Variants in GNG7 observed in about 807,000 individuals in gnomAD.
GNG7 encodes G protein subunit gamma 7.
Under a neutral mutation model 4.0 loss-of-function variants are expected in GNG7, and 1 was observed. The ratio of observed to expected loss-of-function variants is 0.25; its 90% confidence interval spans 0.09 to 1.18. The LOEUF (loss-of-function observed/expected upper bound fraction) is 1.18, where lower values mean the gene tolerates loss of function less well. GNG7 is among the 50% of genes most tolerant of loss of function. GNG7 has a pLI of 0.50. For synonymous variants in GNG7, 34 were observed against 36.9 expected (o/e 0.92, Z 0.29); for missense variants, 86 against 91.9 (o/e 0.94, Z 0.26).
At chr19:2,527,627 A>G (rs1048004325) in intron 3 of GNG7, among the ~76,000 whole-genome samples, 1 of 135,122 alleles carries the variant, frequency 7.4e-6, no homozygotes, top group Non-Finnish European at 1.7e-5. Flanking sequence ...CTAAAATCCT[A>G]AAGAGACCTG....
chr19:2,690,929 C>T (rs1913121945), intron 1 of GNG7, among the ~76,000 whole-genome samples: 1 of 152,166 alleles, frequency 6.6e-6, no homozygotes, highest in African/African-American at 2.4e-5. Flanking sequence ...CAATGGTGGA[C>T]ACGTATCCTT....
chr19:2,537,629 T>C (rs1978784377), intron 3 of GNG7, among the ~76,000 whole-genome samples: 1 of 151,422 alleles, frequency 6.6e-6, no homozygotes, highest in Admixed American at 6.6e-5. Flanking sequence ...AAGTGTACGG[T>C]TCTGATGGGA....
At chr19:2,535,062 C>G (rs1040329436) in intron 3 of GNG7, among the ~76,000 whole-genome samples, 8 of 152,182 alleles carry the variant, frequency 5.3e-5, no homozygotes, top group African/African-American at 1.7e-4. Flanking sequence ...ATAAAATTAA[C>G]AGTTACAACA....
chr19:2,545,376 G>C lies in GNG7; in HGVS notation c.-38+9773C>G, dbSNP rs947189857. On this transcript the variant is annotated intron_variant, in intron 3 of 4. Transcript: ENST00000382159. ...AAAGGTGCACACATAGGCCGGGCAC[G>C]GTGGCTTATGCCTGTATTTCCAGCA... Among the ~76,000 whole-genome samples, 7 of 152,226 alleles carry C rather than the reference G, an allele frequency of 4.6e-5. No homozygotes were observed. In the South Asian group the frequency reaches 1.2e-3, roughly 27 times the overall value.
At chr19:2,533,916 A>T (rs921984526) in intron 3 of GNG7, among the ~76,000 whole-genome samples, 5 of 152,210 alleles carry the variant, frequency 3.3e-5, no homozygotes, top group African/African-American at 1.2e-4. Context: ...CACATGAATC[A>T]TATCAGCCTT....
chr19:2,655,309 G>A (rs772798640), intron 1 of GNG7, among the ~76,000 whole-genome samples: 2 of 151,878 alleles, frequency 1.3e-5, no homozygotes, highest in African/African-American at 2.4e-5. Flanking sequence ...GCAGCCAACA[G>A]GATTATGAAA....
At chr19:2,636,680 G>C (rs1982316746) in intron 2 of GNG7, among the ~76,000 whole-genome samples, 1 of 152,142 alleles carries the variant, frequency 6.6e-6, no homozygotes, top group Non-Finnish European at 1.5e-5. Context: ...TCTGGTTTTG[G>C]GCAGAGAGGC....
At chr19:2,687,059 T>G (rs925976105) in intron 1 of GNG7, among the ~76,000 whole-genome samples, 2 of 148,340 alleles carry the variant, frequency 1.3e-5, no homozygotes, top group African/African-American at 2.6e-5. Flanking sequence ...GCCACTTTTT[T>G]TCTTTTTTTT....
At chr19:2,592,814 A>G (rs866203188) in intron 2 of GNG7, among the ~76,000 whole-genome samples, 63 of 109,604 alleles carry the variant, frequency 5.7e-4, no homozygotes, top group African/African-American at 2.0e-3. Context: ...GAAAGAAAGA[A>G]AGAGAGAGAG....
chr19:2,589,730 C>T (rs1242631567), intron 2 of GNG7, among the ~76,000 whole-genome samples: 2 of 152,162 alleles, frequency 1.3e-5, no homozygotes, highest in Non-Finnish European at 2.9e-5. Context: ...TCACTGCATA[C>T]GCACTACAAC....
intron 2 of GNG7, among the ~76,000 whole-genome samples, chr19:2,615,165 CTT>C (rs759241731): frequency 3.4e-5 from 5 of 145,412 alleles, no homozygotes; most frequent in Non-Finnish European, 3.0e-5. Flanking sequence ...CTGTGACACT[CTT>C]TTTTTTTTTT....
chr19:2,680,178 C>T (rs1177347482), intron 1 of GNG7, among the ~76,000 whole-genome samples: 6 of 140,234 alleles, frequency 4.3e-5, no homozygotes, highest in African/African-American at 1.4e-4. Context: ...GACAGAGTCT[C>T]GCTCTGTTGC....
intron 3 of GNG7, among the ~76,000 whole-genome samples, chr19:2,548,481 G>GAAA (rs34242476): frequency 1.2e-4 from 9 of 77,312 alleles, no homozygotes; most frequent in African/African-American, 1.4e-4. Flanking sequence ...GCTCTGTCTG[G>GAAA]AAAAAAAAAA....
chr19:2,536,945 TA>T (rs1396451009), intron 3 of GNG7, among the ~76,000 whole-genome samples: 41 of 149,686 alleles, frequency 2.7e-4, no homozygotes, highest in South Asian at 6.2e-4. Context: ...TTTTTATTTT[TA>T]TTTTTATTTT....
intron 1 of GNG7, among the ~76,000 whole-genome samples, chr19:2,673,870 C>A (rs974697843): frequency 1.3e-5 from 2 of 151,942 alleles, no homozygotes; most frequent in African/African-American, 4.8e-5. Context: ...GTGTATATTT[C>A]CAATATATTT....
At chr19:2,523,421 C>T (rs373348326) in intron 3 of GNG7, among the ~76,000 whole-genome samples, 406 of 152,056 alleles carry the variant, frequency 2.7e-3, no homozygotes, top group Middle Eastern at 0.014. Context: ...GCATGGGTAG[C>T]GCACTCCTGT....
intron 3 of GNG7, among the ~76,000 whole-genome samples, chr19:2,540,363 G>C (rs185410998): frequency 6.7e-6 from 1 of 148,336 alleles, no homozygotes; most frequent in Non-Finnish European, 1.5e-5. Context: ...TGTTGTCCAG[G>C]CTGGTTTTGA....
intron 2 of GNG7, among the ~76,000 whole-genome samples, chr19:2,604,470 C>CAAA (rs112959127): frequency 2.7e-5 from 1 of 37,348 alleles, no homozygotes; most frequent in Non-Finnish European, 6.2e-5. Flanking sequence ...GACCCTGCTT[C>CAAA]AAAAAAAAAA....
chr19:2,565,869 T>G (rs1173858991), intron 2 of GNG7, among the ~76,000 whole-genome samples: 1 of 151,916 alleles, frequency 6.6e-6, no homozygotes, highest in African/African-American at 2.4e-5. Context: ...TTTTAAACCA[T>G]GGTAGAGGCC....
Sources: allele counts gnomAD v4.1 joint callset (sites outside exome capture counted in the v4.1 genomes callset), GRCh38; gene constraint gnomAD v4.1.1; transcripts MANE v1.5; gene names NCBI Gene and HGNC (gene_info 2026-07-23, HGNC 2026-07-21).